The following SETBP1 variants were observed in gnomAD, a reference collection of about 807,000 sequenced individuals.
The protein encoded by SETBP1 is SET binding protein 1, also known as SET-binding protein.
SETBP1 carries 9 observed loss-of-function variants against 101.0 expected under a neutral mutation model. The ratio of observed to expected loss-of-function variants is 0.09; its 90% confidence interval spans 0.05 to 0.16. The LOEUF (loss-of-function observed/expected upper bound fraction) is 0.16. Among genes scored for constraint, SETBP1 ranks in the 10% least tolerant of loss-of-function variants. The pLI, the probability that SETBP1 is intolerant of heterozygous loss-of-function variation, is 1.00. For synonymous variants in SETBP1, 818 were observed against 788.5 expected, an observed-to-expected ratio of 1.04 and a Z score of -0.63; for missense variants, 1,858 against 2,033.8, an observed-to-expected ratio of 0.91 and a Z score of 1.66.
intron 4 of SETBP1, among the ~76,000 whole-genome samples, chr18:44,996,240 T>C (rs1016382175): frequency 6.6e-6 from 1 of 152,226 alleles, no homozygotes; most frequent in African/African-American, 2.4e-5. Flanking sequence ...CAATATTTGC[T>C]GGGCACATGA....
chr18:44,988,496 C>G (rs572887038), intron 4 of SETBP1: 1 of 152,166 alleles, frequency 6.6e-6, no homozygotes, highest in African/African-American at 2.4e-5. Context: ...TCTGTTTACA[C>G]GTATTTTCAG....
intron 2 of SETBP1, among the ~76,000 whole-genome samples, chr18:44,762,695 G>T (rs2070681586): frequency 6.6e-6 from 1 of 152,180 alleles, no homozygotes; most frequent in Non-Finnish European, 1.5e-5. Context: ...CCATGTCTGG[G>T]GTGAAAAAGC....
intron 5 of SETBP1, among the ~76,000 whole-genome samples, chr18:45,043,986 C>A (rs2073561452): frequency 6.6e-6 from 1 of 152,106 alleles, no homozygotes; most frequent in South Asian, 2.1e-4. Context: ...TAATATCCAG[C>A]TACAAAAAAG....
rs530911838 is a variant in SETBP1, at chr18:44,952,867, G to A, written c.3527G>A (p.Gly1176Asp). 2.5e-6 allele frequency: 4 copies of A among 1,614,142 alleles called. No individual in the cohort carries two copies. Among genetic ancestry groups the A allele is most frequent in the Non-Finnish European group, 2.5e-6 (3 of 1,180,032 alleles). The change falls in exon 4 of 6, where the codon GGC becomes GAC. Residue 1176 changes from glycine (G) to aspartate (D), a missense_variant. Around this residue, in one of 12 missense-constraint regions of SETBP1, gnomAD observed 417 missense variants for 389.1 expected, o/e 1.07. Coordinates refer to ENST00000649279, the MANE Select transcript of SETBP1 (RefSeq NM_015559.3). ...GACAACCTGAGTGGTCTTTTTGCAG[G>A]CAAAGCCACAGGCTTCTCCAGCCAC... The part of the protein sequence containing the change: ...THDNLSGLFA[G>D]KATGFSSHIL...
intron 5 of SETBP1, among the ~76,000 whole-genome samples, chr18:45,050,387 A>G: frequency 6.6e-6 from 1 of 152,170 alleles, no homozygotes; most frequent in East Asian, 1.9e-4. Context: ...CTAAAGTTTA[A>G]GATCTGTTGT....
chr18:44,805,386 C>T (rs930074671), intron 2 of SETBP1, among the ~76,000 whole-genome samples: 1 of 150,908 alleles, frequency 6.6e-6, no homozygotes, highest in Non-Finnish European at 1.5e-5. Flanking sequence ...GGCTGTGGGT[C>T]CATGTGTATG....
intron 3 of SETBP1, among the ~76,000 whole-genome samples, chr18:44,900,899 G>A (rs1195793205): frequency 6.6e-6 from 1 of 152,094 alleles, no homozygotes; most frequent in Admixed American, 6.5e-5. Flanking sequence ...GGAAGGGTGT[G>A]GATTTGAGTC....
chr18:44,827,119 C>T (rs1310091772), intron 2 of SETBP1, among the ~76,000 whole-genome samples: 1 of 152,130 alleles, frequency 6.6e-6, no homozygotes, highest in Admixed American at 6.5e-5. Context: ...ATGACATGTT[C>T]TATTTGATGA....
chr18:44,829,367 A>G (rs2072308796), intron 2 of SETBP1, among the ~76,000 whole-genome samples: 1 of 152,218 alleles, frequency 6.6e-6, no homozygotes. Flanking sequence ...TGAAAAGACG[A>G]AATTTTGCTG....
At chr18:44,918,967 C>T (rs2144921904) in intron 3 of SETBP1, among the ~76,000 whole-genome samples, 1 of 152,314 alleles carries the variant, frequency 6.6e-6, no homozygotes, top group Admixed American at 6.5e-5. Context: ...AGCAGTCCCA[C>T]TTTGGATTCT....
rs534345569 is a variant in SETBP1 at position 44,836,504 on chromosome 18, CACTCT to C, written c.487-32721_487-32717del. ...CTCTCCACTCCACTCCACTCTGCTC[CACTCT>C]ACTCCACTCCACTCTTTCCTTAGGA... On this transcript the variant is annotated intron_variant, in intron 2 of 5. Coordinates refer to ENST00000649279, the MANE Select transcript of SETBP1 (RefSeq NM_015559.3). Among the ~76,000 whole-genome samples the C allele has an allele frequency of 3.5e-3, 537 of 152,272 alleles. 3 individuals are homozygous for C. Among genetic ancestry groups the C allele is most frequent in the Middle Eastern group, 0.01 (3 of 292 alleles).
At chr18:45,015,119 A>G (rs1226469989) in intron 4 of SETBP1, among the ~76,000 whole-genome samples, 1 of 152,200 alleles carries the variant, frequency 6.6e-6, no homozygotes, top group South Asian at 2.1e-4. Flanking sequence ...TCGGGGTCCA[A>G]GGCACAGTGA....
chr18:44,823,765 T>A (rs751977543), intron 2 of SETBP1, among the ~76,000 whole-genome samples: 4 of 152,240 alleles, frequency 2.6e-5, no homozygotes, highest in Non-Finnish European at 5.9e-5. Context: ...GCCAAAGATC[T>A]GTGAGATCAG....
At chr18:44,712,208 C>A (rs191850899) in intron 2 of SETBP1, among the ~76,000 whole-genome samples, 77 of 152,294 alleles carry the variant, frequency 5.1e-4, no homozygotes, top group African/African-American at 1.8e-3. Flanking sequence ...GTCGTCTTTG[C>A]CTCCCACAAG....
Position 44,701,545 on chromosome 18 carries a change from C to G in SETBP1, c.199C>G (p.Arg67Gly), listed in dbSNP as rs955034546. 6.2e-7 allele frequency: 1 copy of G among 1,614,026 alleles called. No homozygotes were observed. Among genetic ancestry groups the G allele is most frequent in the Non-Finnish European group, 8.5e-7 (1 of 1,179,990 alleles). The stretch of plus-strand genomic sequence containing the variant: ...GGAGGAGGATGAACTAGGCTCAGGG[C>G]GGGATGTGGATTCCAACTCCAACGC... ...PEEEDELGSG[R>G]DVDSNSNADS... Residue 67 changes from arginine to glycine, a missense_variant, in exon 2 of 6, where the codon CGG (arginine) becomes GGG (glycine). Transcript: ENST00000649279.
chr18:44,699,079 A>G (rs2069067822), intron 1 of SETBP1, among the ~76,000 whole-genome samples: 1 of 152,210 alleles, frequency 6.6e-6, no homozygotes, highest in Non-Finnish European at 1.5e-5. Context: ...CAGAATCTGT[A>G]ACATACATTT....
chr18:44,757,832 G>A (rs1012428937), intron 2 of SETBP1, among the ~76,000 whole-genome samples: 4 of 152,122 alleles, frequency 2.6e-5, no homozygotes, highest in African/African-American at 9.7e-5. Flanking sequence ...ACACAGTGCT[G>A]TGTAGATCAA....
At chr18:44,713,121 G>C (rs1466096157) in intron 2 of SETBP1, among the ~76,000 whole-genome samples, 2 of 151,924 alleles carry the variant, frequency 1.3e-5, no homozygotes, top group African/African-American at 2.4e-5. Context: ...ACTGCACCTG[G>C]CTAATTTTTG....
chr18:44,952,782 C>T lies in SETBP1; in HGVS notation c.3442C>T (p.His1148Tyr), dbSNP rs754068953. Residue 1148 changes from histidine to tyrosine, a missense_variant, in exon 4 of 6, where the codon CAT becomes TAT. Coordinates refer to ENST00000649279, the MANE Select transcript of SETBP1 (RefSeq NM_015559.3). ...GSASLSSGRL[H>Y]KRKHKHKHKH... The stretch of plus-strand genomic sequence containing the variant: ...TGCCAGTCTGTCCAGTGGTCGGCTC[C>T]ATAAGAGGAAACACAAACACAAGCA... The T allele has an allele frequency of 8.1e-6, 13 of 1,613,956 alleles. No homozygotes were observed. The Admixed American group carries it at 2.2e-4, about 27-fold the overall frequency.
Sources: allele counts gnomAD v4.1 joint callset (sites outside exome capture counted in the v4.1 genomes callset), GRCh38; gene constraint gnomAD v4.1.1; regional missense constraint gnomAD v4.1.1; transcripts MANE v1.5; gene names NCBI Gene and HGNC (gene_info 2026-07-23, HGNC 2026-07-21).